The following NPHS1 variants were observed in gnomAD, a reference collection of about 807,000 sequenced individuals.
NPHS1 encodes nephrin.
A neutral mutation model predicts 139.7 loss-of-function variants in NPHS1; 107 were observed. The observed-to-expected ratio is 0.77, with a 90% CI of 0.66 to 0.90. NPHS1 has a LOEUF of 0.90. Among genes scored for constraint, NPHS1 ranks in the 40% least tolerant of loss-of-function variants. The pLI, the probability that NPHS1 is intolerant of heterozygous loss-of-function variation, is 0.00. For synonymous variants in NPHS1, 707 were observed against 706.6 expected, an observed-to-expected ratio of 1.00 and a Z score of -0.01; for missense variants, 1,580 against 1,654.2, an observed-to-expected ratio of 0.96 and a Z score of 0.78.
Position 35,844,135 on chromosome 19 carries a change from G to T in NPHS1, c.2180C>A (p.Thr727Asn). The change falls in exon 16 of 29, where the codon ACC becomes AAC. Residue 727 changes from threonine (T) to asparagine (N), a missense_variant. Transcript: ENST00000378910. ...GTCCAGCCGCAGCCGCGCTTCCGCG[G>T]TGCCCTCAGAGTTCTGGCAGTGCAG... ...YQLHCQNSEG[T>N]AEARLRLDVH... The T allele has an allele frequency of 6.2e-7, 1 of 1,609,162 alleles. No individual in the cohort carries two copies.
At chr19:35,835,593 G>T in intron 23 of NPHS1, 112 bp downstream of exon 23, 1 of 999,334 alleles carries the variant, frequency 1.0e-6, no homozygotes, top group Non-Finnish European at 1.6e-6. Flanking sequence ...ACTGAGCTTG[G>T]CCAGAACTAA....
intron 22 of NPHS1, among the ~76,000 whole-genome samples, chr19:35,836,925 G>A (rs1383229014): frequency 6.6e-6 from 1 of 151,212 alleles, no homozygotes; most frequent in African/African-American, 2.4e-5. Flanking sequence ...GAACCTGGGA[G>A]GCAGAGGTTG....
rs778103918 is a variant in NPHS1, at chr19:35,844,082, T to C, written c.2212+21A>G. 1.9e-6 allele frequency: 3 copies of C among 1,604,572 alleles called. No individual in the cohort carries two copies. In the South Asian group the frequency reaches 3.3e-5, roughly 18 times the overall value. The stretch of plus-strand genomic sequence containing the variant: ...CAAGGTTCCTTGGGTGGGTGTGGTT[T>C]CCATGGTGGGCGGGGCTCACAGTGC... On this transcript the variant is annotated intron_variant, in intron 16 of 28. Coordinates refer to ENST00000378910, the MANE Select transcript of NPHS1 (RefSeq NM_004646.4).
chr19:35,847,923 A>C, intron 11 of NPHS1, 118 bp downstream of exon 11: 1 of 1,076,566 alleles, frequency 9.3e-7, no homozygotes, highest in Non-Finnish European at 1.3e-6. Context: ...CAGAATCTTT[A>C]GTACTTTTCA....
In NPHS1 at chr19:35,844,114, A is replaced by C. The variant is rs781209508; in HGVS notation, c.2201T>G (p.Leu734Arg). The change falls in exon 16 of 29, where the codon CTG (leucine) becomes CGG (arginine). Residue 734 changes from leucine to arginine, a missense_variant. By Grantham distance (102) the Leu-to-Arg change is moderately radical (BLOSUM62 -2). Coordinates refer to ENST00000378910, the MANE Select transcript of NPHS1 (RefSeq NM_004646.4). Reference sequence around the variant, plus strand: ...TGGGCGGGGCTCACAGTGCACGTCCAGCCGCAGCCGCGCTTCCGCGGTGCC... The same window carrying C: ...TGGGCGGGGCTCACAGTGCACGTCCCGCCGCAGCCGCGCTTCCGCGGTGCC... ...SEGTAEARLR[L>R]DVHYAPTIRA... 3.1e-6 allele frequency: 5 copies of C among 1,607,482 alleles called. No homozygotes were observed. The highest frequency in any genetic ancestry group is 4.2e-6 in the Non-Finnish European group (5 of 1,179,858).
At position 35,849,284 on chromosome 19, in the gene NPHS1, C is replaced by T. The variant is rs772404569; in HGVS notation, c.792G>A (p.Pro264=). 1.9e-5 allele frequency: 30 copies of T among 1,613,188 alleles called. No individual in the cohort carries two copies. The African/African-American group carries it at 2.7e-4, about 14-fold the overall frequency. Residue 264 remains proline (P), a synonymous_variant, in exon 7 of 29, where the codon CCG becomes CCA. Transcript: ENST00000378910. ...HVRAGQSLEL[P]CVARGGNPLA... ...AGGGATTACCCCCTCGGGCCACGCA[C>T]GGCAGCTCCAAGCTCTGTCCTGCCC... is the stretch of plus-strand genomic sequence containing the variant.
intron 10 of NPHS1, 33 bp from the exon 11 acceptor site, chr19:35,848,198 C>T (rs1973172342): frequency 6.2e-7 from 1 of 1,614,114 alleles, no homozygotes. Context: ...ATGACTTTTT[C>T]TCTGTGCTGG....
chr19:35,848,015 C>T (rs192086483), intron 11 of NPHS1, 26 bp downstream of exon 11: 3 of 1,612,210 alleles, frequency 1.9e-6, no homozygotes, highest in African/African-American at 2.7e-5. Context: ...TCCTGGCCAC[C>T]CCCATAGCCC....
chr19:35,849,728 A>G, intron 5 of NPHS1, 75 bp from the exon 6 acceptor site: 1 of 1,060,640 alleles, frequency 9.4e-7, no homozygotes, highest in African/African-American at 1.5e-5. Context: ...AGAGGTGGGG[A>G]TGTCACCTCT....
In NPHS1 at chr19:35,831,412, C is replaced by T. The variant is rs371259574; in HGVS notation, c.3312-41G>A. On this transcript the variant is annotated intron_variant, in intron 25 of 28. Coordinates refer to ENST00000378910, the MANE Select transcript of NPHS1 (RefSeq NM_004646.4). ...TGTGGGGGGAAGTTGAGTGCTGCCCCCCGCCACCAGTCTCCCCCAAACCTC... is the reference window on the plus strand; with the variant it reads ...TGTGGGGGGAAGTTGAGTGCTGCCCTCCGCCACCAGTCTCCCCCAAACCTC... 93 of 1,612,964 alleles carry T rather than the reference C, an allele frequency of 5.8e-5. No homozygotes were observed. The African/African-American group carries it at 1.1e-3, about 19-fold the overall frequency.
intron 26 of NPHS1, 25 bp downstream of exon 26, chr19:35,831,271 G>A: frequency 1.2e-6 from 2 of 1,612,076 alleles, no homozygotes; most frequent in Non-Finnish European, 1.7e-6. Context: ...CTGATTGTGG[G>A]GTCACCAGGG....
In NPHS1 at chr19:35,839,293, G is replaced by C; in HGVS notation, c.3053C>G (p.Ala1018Gly). The change falls in exon 22 of 29, where the codon GCC (alanine) becomes GGC (glycine). Residue 1018 changes from alanine (A) to glycine (G), a missense_variant. By Grantham distance (60) the Ala-to-Gly change is moderately conservative. Transcript: ENST00000378910. ...GTCAGCCAGTCCACTGTCCCCCAAG[G>C]CATTACTGGCCAGCAGCCAGACCCT... ...RYRVWLLASN[A>G]LGDSGLADKG... 1 of 1,614,196 alleles carries C rather than the reference G, an allele frequency of 6.2e-7. No homozygotes were observed. Among genetic ancestry groups the C allele is most frequent in the Non-Finnish European group, 8.5e-7 (1 of 1,180,032 alleles).
intron 28 of NPHS1, among the ~76,000 whole-genome samples, chr19:35,828,914 C>T (rs1340657838): frequency 1.3e-5 from 2 of 152,190 alleles, no homozygotes; most frequent in African/African-American, 2.4e-5. Context: ...TGACAACAGT[C>T]CCGGTATCGG....
At chr19:35,844,623 G>A (rs1973109595) in intron 14 of NPHS1, among the ~76,000 whole-genome samples, 164 bp from the exon 15 acceptor site, 1 of 152,184 alleles carries the variant, frequency 6.6e-6, no homozygotes, top group African/African-American at 2.4e-5. Context: ...GTAAGGTTCG[G>A]GATAGAAGTT....
intron 23 of NPHS1, among the ~76,000 whole-genome samples, chr19:35,835,303 T>C (rs1462643051): frequency 7.1e-6 from 1 of 139,958 alleles, no homozygotes; most frequent in Non-Finnish European, 1.6e-5. Context: ...CTTTTTTTTT[T>C]TTTTTTTTTT....
At chr19:35,850,118 G>A (rs897494406) in intron 5 of NPHS1, among the ~76,000 whole-genome samples, 48 of 152,300 alleles carry the variant, frequency 3.2e-4, no homozygotes, top group African/African-American at 1.1e-3. Context: ...GTTTCACCAT[G>A]TTGACCCAGC....
Position 35,826,298 on chromosome 19 carries a change from G to A in NPHS1, c.*216C>T, listed in dbSNP as rs1972799805. 3.5e-6 allele frequency: 2 copies of A among 575,680 alleles called. No individual in the cohort carries two copies. Among genetic ancestry groups the A allele is most frequent in the South Asian group, 4.0e-5 (2 of 49,812 alleles). The allele number at this position is 575,680 out of a possible 1,614,324, so 35.7% of individuals were successfully genotyped here. On this transcript the variant is annotated 3_prime_UTR_variant, in exon 29 of 29. Transcript: ENST00000378910. ...CAATCTGCCCTGTCCTTTTGGAGAA[G>A]TTTAGTTTCTAAAGCCAACCCCAGG...
In NPHS1 at chr19:35,844,348, C is replaced by T; in HGVS notation, c.2042G>A (p.Trp681Ter). The T allele has an allele frequency of 6.2e-7, 1 of 1,613,892 alleles. No individual in the cohort carries two copies. Among genetic ancestry groups the T allele is most frequent in the Non-Finnish European group, 8.5e-7 (1 of 1,179,964 alleles). The change falls in exon 15 of 29, where the codon TGG becomes TAG. Residue 681 changes from tryptophan (W) to a stop codon, truncating the protein, a stop_gained. Coordinates refer to ENST00000378910, the MANE Select transcript of NPHS1 (RefSeq NM_004646.4). LOFTEE classifies it high-confidence loss of function. ...SANPAPEAFNWTFRGYRLSPA... is the reference protein window; with the variant it reads ...SANPAPEAFN ...ACTGAGGCGATAGCCGCGGAAGGTC[C>T]AGTTGAAGGCCTCGGGGGCGGGGTT...
In NPHS1 at chr19:35,830,918, G is replaced by A. The variant is rs115489112; in HGVS notation, c.3520C>T (p.His1174Tyr). 663 of 1,613,970 alleles carry A rather than the reference G, an allele frequency of 4.1e-4. 2 individuals carry two copies. The African/African-American group carries it at 5.0e-3, about 12-fold the overall frequency. ...GEDEDMAFPGHLYDEVERTYP... is the reference protein window; with the variant it reads ...GEDEDMAFPGYLYDEVERTYP... ...GTTCTTTCTACCTCATCATACAAGT[G>A]CCCAGGGAAGGCCATATCCTCATCT... The change falls in exon 28 of 29, where the codon CAC becomes TAC. Residue 1174 changes from histidine (H) to tyrosine (Y), a missense_variant. His to Tyr is a moderately conservative substitution (Grantham distance 83). Coordinates refer to ENST00000378910, the MANE Select transcript of NPHS1 (RefSeq NM_004646.4).
Sources: gnomAD v4.1 joint callset for allele counts (sites outside exome capture counted in the v4.1 genomes callset) on GRCh38, gnomAD v4.1.1 for gene constraint, MANE v1.5 for transcripts, NCBI Gene and HGNC (gene_info 2026-07-23, HGNC 2026-07-21) for gene names.